SLC9A9: variants seen among roughly 807,000 people sequenced by gnomAD.
SLC9A9 encodes the protein sodium/hydrogen exchanger 9.
Under a neutral mutation model 77.8 loss-of-function variants are expected in SLC9A9, and 62 were observed. The ratio of observed to expected loss-of-function variants is 0.80; its 90% CI spans 0.65 to 0.98. The LOEUF (loss-of-function observed/expected upper bound fraction) is 0.98. SLC9A9 is among the 50% of genes least tolerant of loss of function. The probability of loss-of-function intolerance (pLI) is 0.00; values close to 1 mark genes in which losing one functional copy is unlikely to be tolerated. For missense variants in SLC9A9, 775 were observed against 774.9 expected (o/e 1.00, Z 0.00); for synonymous variants, 320 against 283.5 (o/e 1.13, Z -1.29).
At chr3:143,358,407 G>T (rs1483701524) in intron 14 of SLC9A9, among the ~76,000 whole-genome samples, 1 of 152,178 alleles carries the variant, frequency 6.6e-6, no homozygotes, top group Non-Finnish European at 1.5e-5. Context: ...CTTATAAAAT[G>T]TTGGCAACCA....
chr3:143,820,502 C>T (rs534928799), intron 2 of SLC9A9, among the ~76,000 whole-genome samples: 11 of 152,340 alleles, frequency 7.2e-5, no homozygotes, highest in Admixed American at 7.2e-4. Flanking sequence ...TGCCCAAACT[C>T]CAGGCCTTCT....
At chr3:143,724,842 G>C (rs544489764) in intron 4 of SLC9A9, among the ~76,000 whole-genome samples, 1 of 152,264 alleles carries the variant, frequency 6.6e-6, no homozygotes, top group African/African-American at 2.4e-5. Context: ...CTAGGGACTA[G>C]AGCAGTCACC....
At chr3:143,351,338 C>T (rs922066799) in intron 14 of SLC9A9, among the ~76,000 whole-genome samples, 2 of 152,164 alleles carry the variant, frequency 1.3e-5, no homozygotes, top group African/African-American at 4.8e-5. Flanking sequence ...TATTATGTCC[C>T]TTCTAAATGG....
intron 13 of SLC9A9, among the ~76,000 whole-genome samples, chr3:143,366,214 G>T (rs750301468): frequency 8.5e-5 from 13 of 152,176 alleles, no homozygotes; most frequent in Non-Finnish European, 2.9e-5. Flanking sequence ...GCTATTGAAT[G>T]CCCATTAACT....
Position 143,283,744 on chromosome 3 carries a change from G to A in SLC9A9, c.1605-14764C>T, listed in dbSNP as rs540230795. Among the ~76,000 whole-genome samples the A allele has an allele frequency of 4.2e-3, 641 of 152,264 alleles. 4 individuals are homozygous for A. The highest frequency in any genetic ancestry group is 0.015 in the African/African-American group (622 of 41,540). On this transcript the variant is annotated intron_variant, in intron 14 of 15. Transcript: ENST00000316549. ...GAGTGAGTATAAAACCTCCCTTTGG[G>A]GTGAATTATGAGTGCAAACGGAAAG...
At chr3:143,439,091 T>C (rs1325099340) in intron 12 of SLC9A9, among the ~76,000 whole-genome samples, 1 of 152,242 alleles carries the variant, frequency 6.6e-6, no homozygotes, top group East Asian at 1.9e-4. Context: ...TGGAGAATCA[T>C]ACAGCTTACT....
intron 1 of SLC9A9, among the ~76,000 whole-genome samples, chr3:143,837,889 C>A (rs1431099604): frequency 1.3e-5 from 2 of 152,212 alleles, no homozygotes; most frequent in Admixed American, 1.3e-4. Context: ...CAGGCACTGG[C>A]ATAGCCACTT....
At chr3:143,728,653 A>G (rs1934723710) in intron 4 of SLC9A9, among the ~76,000 whole-genome samples, 1 of 152,156 alleles carries the variant, frequency 6.6e-6, no homozygotes, top group Non-Finnish European at 1.5e-5. Flanking sequence ...CGCAGAGGCC[A>G]CGAAGGAGAC....
intron 4 of SLC9A9, among the ~76,000 whole-genome samples, chr3:143,739,407 T>G (rs1259999484): frequency 6.6e-6 from 1 of 152,180 alleles, no homozygotes; most frequent in Non-Finnish European, 1.5e-5. Context: ...ACAAAGGGAT[T>G]AAAAAACTTA....
intron 4 of SLC9A9, among the ~76,000 whole-genome samples, chr3:143,713,604 C>T (rs957301145): frequency 9.2e-5 from 14 of 152,060 alleles, no homozygotes; most frequent in Non-Finnish European, 8.8e-5. Context: ...AGCCTCCTTC[C>T]CTGAAGAAAT....
At chr3:143,717,385 C>G (rs1868181) in intron 4 of SLC9A9, among the ~76,000 whole-genome samples, 5,227 of 152,192 alleles carry the variant, frequency 0.034, 291 homozygotes, top group African/African-American at 0.12. Flanking sequence ...CCTCAGCTAC[C>G]ATAGAAGTTG....
chr3:143,477,056 T>C (rs889231295), intron 11 of SLC9A9, among the ~76,000 whole-genome samples: 1 of 152,190 alleles, frequency 6.6e-6, no homozygotes, highest in Non-Finnish European at 1.5e-5. Flanking sequence ...CAAATATGGC[T>C]ATCTATCCAC....
At chr3:143,815,647 C>T (rs933449677) in intron 2 of SLC9A9, among the ~76,000 whole-genome samples, 5 of 152,002 alleles carry the variant, frequency 3.3e-5, no homozygotes, top group African/African-American at 9.7e-5. Context: ...GGACGGATCA[C>T]GAGGTCAAGA....
At chr3:143,268,301 AG>A (rs574453460) in intron 15 of SLC9A9, among the ~76,000 whole-genome samples, 57 of 152,320 alleles carry the variant, frequency 3.7e-4, no homozygotes, top group African/African-American at 1.3e-3. Flanking sequence ...AAAACACAGC[AG>A]TTTGTGAGGA....
At chr3:143,542,407 G>A (rs559829664) in intron 9 of SLC9A9, among the ~76,000 whole-genome samples, 48 of 152,216 alleles carry the variant, frequency 3.2e-4, no homozygotes, top group African/African-American at 6.0e-4. Flanking sequence ...TGATCTTCTC[G>A]GAAGCCAGGG....
chr3:143,465,854 C>G (rs1226916722), intron 12 of SLC9A9, among the ~76,000 whole-genome samples: 1 of 152,210 alleles, frequency 6.6e-6, no homozygotes, highest in African/African-American at 2.4e-5. Context: ...TGAAAACACT[C>G]CCTATTCACC....
intron 9 of SLC9A9, among the ~76,000 whole-genome samples, chr3:143,542,530 C>T (rs1371678968): frequency 1.3e-5 from 2 of 152,024 alleles, no homozygotes; most frequent in Admixed American, 6.6e-5. Flanking sequence ...TGCACAAAAC[C>T]AAATCAAAAA....
Position 143,816,868 on chromosome 3 carries a change from G to A in SLC9A9, c.378+15151C>T, listed in dbSNP as rs72995499. Among the ~76,000 whole-genome samples, 1,493 of 152,226 alleles carry A rather than the reference G, an allele frequency of 9.8e-3. 24 individuals are homozygous for A. Among genetic ancestry groups the A allele is most frequent in the African/African-American group, 0.034 (1,430 of 41,530 alleles). The stretch of plus-strand genomic sequence containing the variant: ...TGGTAAGCATGAAATGATATCACAT[G>A]ATCATTATCTTAAAGTTTTTCATTA... On this transcript the variant is annotated intron_variant, in intron 2 of 15. Transcript: ENST00000316549.
At chr3:143,731,268 C>A (rs1004330387) in intron 4 of SLC9A9, among the ~76,000 whole-genome samples, 2 of 152,174 alleles carry the variant, frequency 1.3e-5, no homozygotes, top group African/African-American at 4.8e-5. Flanking sequence ...CTGTTAGCAG[C>A]AGGGAGGAAG....
Sources: allele counts gnomAD v4.1 joint callset (sites outside exome capture counted in the v4.1 genomes callset), GRCh38; gene constraint gnomAD v4.1.1; transcripts MANE v1.5; gene names NCBI Gene and HGNC (gene_info 2026-07-23, HGNC 2026-07-21).